The following AFF4 variants were observed in gnomAD, a reference collection of about 807,000 sequenced individuals.
AFF4 encodes the protein AF4/FMR2 family member 4.
A neutral mutation model predicts 124.8 loss-of-function variants in AFF4; 13 were observed. The observed-to-expected ratio is 0.10, with a 90% CI of 0.07 to 0.17. The LOEUF (loss-of-function observed/expected upper bound fraction) is 0.17. Among genes scored for constraint, AFF4 ranks in the 10% least tolerant of loss-of-function variants. The pLI, the probability that AFF4 is intolerant of heterozygous loss-of-function variation, is 1.00. For synonymous variants in AFF4, 477 were observed against 496.1 expected, an observed-to-expected ratio of 0.96 and a Z score of 0.51; for missense variants, 1,092 against 1,403.8, an observed-to-expected ratio of 0.78 and a Z score of 3.55.
chr5:132,961,164 G>A (rs997888412), intron 1 of AFF4, among the ~76,000 whole-genome samples: 1 of 152,148 alleles, frequency 6.6e-6, no homozygotes, highest in Non-Finnish European at 1.5e-5. Flanking sequence ...GGCAGAGGTT[G>A]CAGTGAGCAG....
At chr5:132,912,721 T>G (rs966064957) in intron 5 of AFF4, among the ~76,000 whole-genome samples, 9 of 152,176 alleles carry the variant, frequency 5.9e-5, no homozygotes, top group Non-Finnish European at 1.0e-4. Context: ...TTATACTTTA[T>G]GTGGAAGTAA....
intron 5 of AFF4, among the ~76,000 whole-genome samples, chr5:132,908,588 G>C (rs911202894): frequency 6.6e-6 from 1 of 151,538 alleles, no homozygotes; most frequent in Non-Finnish European, 1.5e-5. Flanking sequence ...CCACTGATTA[G>C]AAATTTTTTT....
intron 20 of AFF4, among the ~76,000 whole-genome samples, chr5:132,882,742 C>T (rs1308491647): frequency 1.3e-5 from 2 of 151,312 alleles, no homozygotes; most frequent in Middle Eastern, 3.2e-3. Flanking sequence ...GTAATCCCAG[C>T]TACTCAGGAG....
rs149280137 is a variant in AFF4, at chr5:132,897,263, T to C, written c.1390-23A>G. ...AGGCTGAAAAACAGAGAAATATGTA[T>C]GCTTTTTTCGATACTGAATGCTTTT... is the stretch of plus-strand genomic sequence containing the variant. On this transcript the variant is annotated intron_variant, in intron 10 of 20. Transcript: ENST00000265343. 3.9e-4 allele frequency: 622 copies of C among 1,599,556 alleles called. 2 individuals carry two copies. In the African/African-American group the frequency reaches 7.0e-3, roughly 18 times the overall value.
intron 1 of AFF4, among the ~76,000 whole-genome samples, chr5:132,957,646 G>A (rs1259114170): frequency 6.6e-6 from 1 of 152,006 alleles, no homozygotes; most frequent in Non-Finnish European, 1.5e-5. Flanking sequence ...GGGCAGGACT[G>A]CTTGAAATCC....
At chr5:132,894,576 T>C (rs1324853225) in intron 11 of AFF4, among the ~76,000 whole-genome samples, 2 of 152,238 alleles carry the variant, frequency 1.3e-5, no homozygotes, top group Non-Finnish European at 2.9e-5. Flanking sequence ...GAAATCTACA[T>C]CCTTTATTAC....
chr5:132,938,329 G>A lies in AFF4; in HGVS notation c.-4-1136C>T, dbSNP rs192071107. Among the ~76,000 whole-genome samples the A allele has an allele frequency of 2.0e-5, 3 of 150,876 alleles. No individual in the cohort carries two copies. The East Asian group carries it at 5.9e-4, about 30-fold the overall frequency. ...CATCCAGGCTGGAGTGCGGTGGTGC[G>A]ATCTCCCAGCTCACCACAACCTATG... On this transcript the variant is annotated intron_variant, in intron 1 of 20. Transcript: ENST00000265343.
chr5:132,903,545 A>G (rs2150077506), intron 6 of AFF4, among the ~76,000 whole-genome samples: 1 of 152,318 alleles, frequency 6.6e-6, no homozygotes, highest in South Asian at 2.1e-4. Context: ...AATCTACACA[A>G]CCACAATCTC....
At chr5:132,889,305 A>G (rs889178067) in intron 13 of AFF4, 132 bp from the exon 14 acceptor site, 16 of 605,272 alleles carry the variant, frequency 2.6e-5, no homozygotes, top group African/African-American at 2.4e-4. Context: ...CCTTGTTACA[A>G]AACTTTTATA....
chr5:132,892,042 A>G lies in AFF4; in HGVS notation c.2637+122T>C, dbSNP rs1307401376. ...ATCAGGATTATTACATATAGAGGGT[A>G]AAAGACATAGGCCTATATATTTACT... On this transcript the variant is annotated intron_variant, in intron 13 of 20. Transcript: ENST00000265343. 5.7e-6 allele frequency: 8 copies of G among 1,412,132 alleles called. No individual in the cohort carries two copies. The East Asian group carries it at 1.8e-4, about 32-fold the overall frequency. The allele number at this position is 1,412,132 out of a possible 1,614,324, so 87.5% of individuals were successfully genotyped here.
chr5:132,953,615 C>T (rs1234403344), intron 1 of AFF4, among the ~76,000 whole-genome samples: 1 of 152,154 alleles, frequency 6.6e-6, no homozygotes, highest in Non-Finnish European at 1.5e-5. Context: ...TTTCCCTTAT[C>T]ACCAACCACT....
chr5:132,894,269 G>A (rs1356193436), intron 11 of AFF4, among the ~76,000 whole-genome samples: 1 of 152,122 alleles, frequency 6.6e-6, no homozygotes, highest in Non-Finnish European at 1.5e-5. Context: ...CCAAAGCAGT[G>A]GTATCATTTC....
At position 132,880,231 on chromosome 5, in the gene AFF4, T is replaced by G. The variant is rs1184474888; in HGVS notation, c.*828A>C. 2.5e-6 allele frequency: 1 copy of G among 398,856 alleles called. No homozygotes were observed. 24.7% of individuals were successfully genotyped at this position (398,856 alleles called of 1,614,324 possible). On this transcript the variant is annotated 3_prime_UTR_variant, in exon 21 of 21. Transcript: ENST00000265343. ...TATGGTTTTAATAAAATCCGTAACGTTCAGGATTGTCCTTTTATGAAACCC... is the reference window on the plus strand; with the variant it reads ...TATGGTTTTAATAAAATCCGTAACGGTCAGGATTGTCCTTTTATGAAACCC...
intron 11 of AFF4, among the ~76,000 whole-genome samples, chr5:132,895,420 C>T (rs1030565916): frequency 5.3e-5 from 8 of 152,170 alleles, no homozygotes; most frequent in Non-Finnish European, 1.0e-4. Flanking sequence ...GCTCTATTCT[C>T]CCTGTAGTAT....
chr5:132,959,211 C>T (rs1191820920), intron 1 of AFF4, among the ~76,000 whole-genome samples: 2 of 151,648 alleles, frequency 1.3e-5, no homozygotes, highest in African/African-American at 4.9e-5. Flanking sequence ...CTGCAACCTC[C>T]GCCTCCCAGG....
intron 12 of AFF4, 106 bp downstream of exon 12, chr5:132,892,924 C>A: frequency 9.5e-7 from 1 of 1,057,518 alleles, no homozygotes; most frequent in Non-Finnish European, 1.4e-6. Flanking sequence ...ATTTATATAA[C>A]ACTTGCTTAC....
chr5:132,963,099 G>A (rs1462943002), intron 1 of AFF4, among the ~76,000 whole-genome samples, 160 bp downstream of exon 1: 4 of 152,122 alleles, frequency 2.6e-5, no homozygotes, highest in African/African-American at 9.7e-5. Flanking sequence ...GGGGTGGGAC[G>A]CGCAGATGAG....
At chr5:132,954,626 C>G (rs991149667) in intron 1 of AFF4, among the ~76,000 whole-genome samples, 2 of 148,310 alleles carry the variant, frequency 1.3e-5, no homozygotes, top group Non-Finnish European at 3.0e-5. Flanking sequence ...CGGCTCACTG[C>G]AAGCTCCGCC....
chr5:132,896,272 G>A (rs187980284), intron 11 of AFF4, 51 bp downstream of exon 11: 2 of 1,522,396 alleles, frequency 1.3e-6, no homozygotes, highest in Non-Finnish European at 1.8e-6. Flanking sequence ...GATTTCCACC[G>A]CATTTCAGAT....
Sources: gnomAD v4.1 joint callset for allele counts (sites outside exome capture counted in the v4.1 genomes callset) on GRCh38, gnomAD v4.1.1 for gene constraint, MANE v1.5 for transcripts, NCBI Gene and HGNC (gene_info 2026-07-23, HGNC 2026-07-21) for gene names.